Variants in ROPN1L observed in about 807,000 individuals in gnomAD.
ROPN1L encodes ropporin-1-like protein.
In ROPN1L, 23 loss-of-function variants were observed where a neutral mutation model predicts 22.7. The ratio of observed to expected loss-of-function variants is 1.01; its 90% confidence interval spans 0.73 to 1.43. The LOEUF (loss-of-function observed/expected upper bound fraction) is 1.43, where lower values mean the gene tolerates loss of function less well. Among genes scored for constraint, ROPN1L ranks in the 40% most tolerant of loss-of-function variants. The pLI is 0.00. For synonymous variants in ROPN1L, 116 were observed against 117.8 expected, an observed-to-expected ratio of 0.98 and a Z score of 0.10; for missense variants, 271 against 291.5, an observed-to-expected ratio of 0.93 and a Z score of 0.51.
chr5:10,477,589 G>A, the ROPN1L span, among the ~76,000 whole-genome samples: 3 of 152,178 alleles, frequency 2.0e-5, no homozygotes, highest in African/African-American at 7.2e-5. Flanking sequence ...CAGATGCTCC[G>A]TGAGGATGGC....
chr5:10,482,325 C>G, the ROPN1L span: 1 of 152,008 alleles, frequency 6.6e-6, no homozygotes, highest in African/African-American at 2.4e-5. Flanking sequence ...AAAGATAAAC[C>G]TTTTCGAATG....
At chr5:10,462,527 A>T (rs891267183) in intron 4 of ROPN1L, among the ~76,000 whole-genome samples, 1 of 152,054 alleles carries the variant, frequency 6.6e-6, no homozygotes, top group African/African-American at 2.4e-5. Flanking sequence ...TGTCATTAAG[A>T]CTCATTTATC....
chr5:10,443,335 C>T (rs1320737979), intron 1 of ROPN1L, among the ~76,000 whole-genome samples: 1 of 149,816 alleles, frequency 6.7e-6, no homozygotes, highest in Admixed American at 6.7e-5. Flanking sequence ...CACAGACATA[C>T]ATTTGGGCCG....
chr5:10,459,580 G>A (rs185598018), intron 3 of ROPN1L, among the ~76,000 whole-genome samples: 228 of 152,024 alleles, frequency 1.5e-3, no homozygotes, highest in African/African-American at 5.4e-3. Context: ...GCCTCTCCAT[G>A]GCCTGCTCTA....
At chr5:10,471,031 G>A (rs961226116) in intron 4 of ROPN1L, among the ~76,000 whole-genome samples, 3 of 152,226 alleles carry the variant, frequency 2.0e-5, no homozygotes, top group Admixed American at 6.5e-5. Flanking sequence ...CTGGCAGTCC[G>A]ACTCCAGAGC....
Position 10,461,240 on chromosome 5 carries a change from C to G in ROPN1L, c.474C>G (p.Gly158=), listed in dbSNP as rs539286998. The change falls in exon 4 of 5, where the codon GGC becomes GGG. Residue 158 remains glycine (G), a synonymous_variant. Transcript: ENST00000274134. ...AGATCCTCACGGACGATCCGGAGGG[C>G]GGGCCCGCTCGCATCCCCTTCAAGA... ...LCEILTDDPE[G]GPARIPFKTF... is the part of the protein sequence containing the mutation. 2 of 1,614,102 alleles carry G rather than the reference C, an allele frequency of 1.2e-6. No homozygotes were observed. The highest frequency in any genetic ancestry group is 1.3e-5 in the African/African-American group (1 of 75,050).
chr5:10,468,634 A>G (rs1187281288), downstream of ROPN1L, among the ~76,000 whole-genome samples: 1 of 152,266 alleles, frequency 6.6e-6, no homozygotes, highest in Non-Finnish European at 1.5e-5. Context: ...GTTGAATAAA[A>G]TAAACTGTTC....
downstream of ROPN1L, among the ~76,000 whole-genome samples, chr5:10,476,135 C>G (rs1168926711): frequency 1.3e-5 from 2 of 152,252 alleles, no homozygotes; most frequent in Non-Finnish European, 2.9e-5. Context: ...AATTGCACAG[C>G]AGGCTGCGAA....
chr5:10,471,739 C>T (rs1373730553), intron 4 of ROPN1L: 1 of 152,386 alleles, frequency 6.6e-6, no homozygotes, highest in Non-Finnish European at 1.5e-5. Context: ...CCCCCCACAT[C>T]CCCCCAGGGA....
chr5:10,441,944 C>G lies in ROPN1L; in HGVS notation c.-224C>G, dbSNP rs1056437856. ...GGCTGGCGCTAGGGAACTGCAGGGT[C>G]TAGGGTGTTGTCGGAGTGGCAGTTG... On this transcript the variant is annotated 5_prime_UTR_variant, in exon 1 of 5. Transcript: ENST00000274134. The G allele has an allele frequency of 1.8e-4, 94 of 536,798 alleles. 1 individual carries two copies. The highest frequency in any genetic ancestry group is 5.0e-5 in the Non-Finnish European group (15 of 301,374). The allele number at this position is 536,798 out of a possible 1,614,324, so 33.3% of individuals were successfully genotyped here. A position where few individuals can be genotyped will look rare whatever the true frequency, so the allele number is the denominator to read the frequency against.
At chr5:10,452,265 C>CACTG (rs1298642344) in intron 3 of ROPN1L, among the ~76,000 whole-genome samples, 1 of 150,520 alleles carries the variant, frequency 6.6e-6, no homozygotes, top group Non-Finnish European at 1.5e-5. Flanking sequence ...AGGTGTAAGC[C>CACTG]ACTGCACCCA....
downstream of ROPN1L, among the ~76,000 whole-genome samples, chr5:10,465,287 G>A (rs1336951188): frequency 3.3e-5 from 5 of 152,200 alleles, no homozygotes; most frequent in South Asian, 4.1e-4. Context: ...AGGCCGAGGC[G>A]GGTGGATTAC....
intron 3 of ROPN1L, among the ~76,000 whole-genome samples, chr5:10,453,885 G>A (rs993209459): frequency 1.3e-5 from 2 of 151,910 alleles, no homozygotes; most frequent in African/African-American, 4.9e-5. Flanking sequence ...TGAACAAAAC[G>A]GGCAAACATC....
intron 3 of ROPN1L, among the ~76,000 whole-genome samples, chr5:10,457,555 G>T (rs1010093163): frequency 8.5e-5 from 13 of 152,236 alleles, no homozygotes; most frequent in African/African-American, 3.1e-4. Flanking sequence ...GTGTCTGTCT[G>T]CTCCTCGCAG....
chr5:10,475,261 G>A (rs79256434), downstream of ROPN1L, among the ~76,000 whole-genome samples: 27 of 152,350 alleles, frequency 1.8e-4, no homozygotes, highest in East Asian at 5.0e-3. Context: ...CTCAGGGCAA[G>A]GGGATTTCTC....
At chr5:10,445,997 A>G (rs929616492) in intron 1 of ROPN1L, among the ~76,000 whole-genome samples, 2 of 152,232 alleles carry the variant, frequency 1.3e-5, no homozygotes, top group African/African-American at 4.8e-5. Context: ...GGTTCTTTTC[A>G]AAGGTGCTTT....
At chr5:10,446,503 T>C (rs1741067948) in intron 1 of ROPN1L, among the ~76,000 whole-genome samples, 1 of 151,988 alleles carries the variant, frequency 6.6e-6, no homozygotes, top group African/African-American at 2.4e-5. Flanking sequence ...TCTAATAAAA[T>C]ATAAAAAATC....
At chr5:10,479,664 GGCCTCTT>G in the ROPN1L span, among the ~76,000 whole-genome samples, 488 of 152,320 alleles carry the variant, frequency 3.2e-3, 2 homozygotes, top group Non-Finnish European at 3.7e-3. Flanking sequence ...TGGGAGAGGA[GGCCTCTT>G]GCCTGAGCTC....
intron 3 of ROPN1L, among the ~76,000 whole-genome samples, chr5:10,457,680 C>T (rs1734871813): frequency 6.6e-6 from 1 of 152,180 alleles, no homozygotes; most frequent in African/African-American, 2.4e-5. Context: ...TGTCCCATAG[C>T]CTGGAGCGGC....
Sources: allele counts gnomAD v4.1 joint callset (sites outside exome capture counted in the v4.1 genomes callset), GRCh38; gene constraint gnomAD v4.1.1; transcripts MANE v1.5; gene names NCBI Gene and HGNC (gene_info 2026-07-23, HGNC 2026-07-21).